Variants in ANK2 observed in about 807,000 individuals in gnomAD.
ANK2 encodes ankyrin-2.
A neutral mutation model predicts 360.5 loss-of-function variants in ANK2; 83 were observed. That is an observed-to-expected ratio of 0.23 (90% CI 0.19 to 0.28). ANK2 has a LOEUF of 0.28. Among genes scored for constraint, ANK2 ranks in the 10% least tolerant of loss-of-function variants. The probability of loss-of-function intolerance (pLI) is 1.00; values close to 1 mark genes in which losing one functional copy is unlikely to be tolerated. For synonymous variants in ANK2, 1,740 were observed against 1,759.5 expected, an observed-to-expected ratio of 0.99 and a Z score of 0.28; for missense variants, 4,201 against 4,795.7, an observed-to-expected ratio of 0.88 and a Z score of 3.66.
chr4:113,243,648 G>A lies in ANK2; in HGVS notation c.891+1439G>A, dbSNP rs75270049. ...CATGCCTTTTTCCTTACCATACTGT[G>A]AGTATACAGAATTTGGAACAGTATG... is the stretch of plus-strand genomic sequence containing the variant. On this transcript the variant is annotated intron_variant, in intron 9 of 45. Coordinates refer to ENST00000357077, the MANE Select transcript of ANK2 (RefSeq NM_001148.6). Among the ~76,000 whole-genome samples the A allele has an allele frequency of 3.6e-4, 55 of 152,214 alleles. No homozygotes were observed. The East Asian group carries it at 6.4e-3, about 18-fold the overall frequency.
At position 113,356,368 on chromosome 4, in the gene ANK2, C is replaced by A; in HGVS notation, c.7750C>A (p.Pro2584Thr). The A allele has an allele frequency of 3.7e-6, 6 of 1,614,056 alleles. No individual in the cohort carries two copies. The highest frequency in any genetic ancestry group is 5.1e-6 in the Non-Finnish European group (6 of 1,179,998). ...AAACGGGGAGAAAAAGAGGTTCACA[C>A]CTGAAGAGGAGATGTTTAAAATGGT... ...SENGEKKRFT[P>T]EEEMFKMVTK... The change falls in exon 38 of 46, where the codon CCT (proline) becomes ACT (threonine). Residue 2584 changes from proline (P) to threonine (T), a missense_variant. Physicochemically the swap from Pro to Thr is conservative, Grantham distance 38. Transcript: ENST00000357077.
chr4:113,196,286 T>C (rs1245497022), intron 2 of ANK2, 82 bp from the exon 3 acceptor site: 1 of 1,042,666 alleles, frequency 9.6e-7, no homozygotes, highest in African/African-American at 1.6e-5. Flanking sequence ...GTCTGTTCTC[T>C]GGGTTATATG....
chr4:113,335,189 A>G (rs1020454812), intron 29 of ANK2, among the ~76,000 whole-genome samples: 1 of 152,172 alleles, frequency 6.6e-6, no homozygotes, highest in Non-Finnish European at 1.5e-5. Flanking sequence ...CCATGATCCC[A>G]TCCTCTTGAT....
At chr4:113,129,546 T>G (rs1257226977) in intron 1 of ANK2, among the ~76,000 whole-genome samples, 1 of 152,018 alleles carries the variant, frequency 6.6e-6, no homozygotes, top group East Asian at 1.9e-4. Context: ...TGTTTGTTTG[T>G]TTTAAACGTA....
chr4:113,004,242 T>G (rs1233420323), intron 2 of ANK2, among the ~76,000 whole-genome samples: 1 of 152,208 alleles, frequency 6.6e-6, no homozygotes, highest in African/African-American at 2.4e-5. Flanking sequence ...AACATTTTGT[T>G]TTTTTAAACT....
intron 1 of ANK2, among the ~76,000 whole-genome samples, chr4:112,850,577 C>G (rs1261194094): frequency 2.5e-5 from 3 of 118,496 alleles, no homozygotes; most frequent in Non-Finnish European, 4.8e-5. Context: ...AGTGCAGTGG[C>G]ACGATCTTGG....
intron 6 of ANK2, among the ~76,000 whole-genome samples, 187 bp from the exon 7 acceptor site, chr4:113,237,412 A>G (rs1215077358): frequency 6.6e-6 from 1 of 152,226 alleles, no homozygotes; most frequent in Admixed American, 6.5e-5. Flanking sequence ...TATTCTGTTT[A>G]TAGTCACAAA....
At chr4:113,177,030 T>C (rs914638624) in intron 2 of ANK2, among the ~76,000 whole-genome samples, 5 of 152,180 alleles carry the variant, frequency 3.3e-5, no homozygotes, top group Non-Finnish European at 7.4e-5. Flanking sequence ...CAGTCTATCA[T>C]TGATGGACAT....
chr4:112,912,370 A>G (rs1016142899), intron 2 of ANK2, among the ~76,000 whole-genome samples: 1 of 152,182 alleles, frequency 6.6e-6, no homozygotes, highest in South Asian at 2.1e-4. Flanking sequence ...ATACCCTGAT[A>G]AAACATATTA....
intron 4 of ANK2, 89 bp from the exon 5 acceptor site, chr4:113,232,072 A>G: frequency 1.1e-6 from 1 of 896,326 alleles, no homozygotes; most frequent in East Asian, 2.5e-5. Context: ...AAAGTATTTT[A>G]CCTATCTTCC....
At chr4:113,158,040 A>G (rs1279480540) in intron 1 of ANK2, among the ~76,000 whole-genome samples, 1 of 152,260 alleles carries the variant, frequency 6.6e-6, no homozygotes, top group Non-Finnish European at 1.5e-5. Flanking sequence ...GTCTAGTTGA[A>G]TAGCCAGAGG....
At chr4:113,167,029 T>C (rs2097774190) in intron 1 of ANK2, among the ~76,000 whole-genome samples, 1 of 152,220 alleles carries the variant, frequency 6.6e-6, no homozygotes, top group African/African-American at 2.4e-5. Flanking sequence ...ATGTATTTAG[T>C]AATCTGCATT....
chr4:112,766,006 A>G, the ANK2 span, among the ~76,000 whole-genome samples: 1 of 152,156 alleles, frequency 6.6e-6, no homozygotes, highest in Admixed American at 6.6e-5. Flanking sequence ...TGACTGACAC[A>G]ATGTGATACA....
chr4:113,090,862 A>G (rs1197637556), intron 1 of ANK2, among the ~76,000 whole-genome samples: 1 of 152,146 alleles, frequency 6.6e-6, no homozygotes, highest in Non-Finnish European at 1.5e-5. Context: ...TTCACTTTCC[A>G]TACTTTTATA....
chr4:113,192,621 T>G (rs2153368741), intron 2 of ANK2, among the ~76,000 whole-genome samples: 1 of 152,306 alleles, frequency 6.6e-6, no homozygotes, highest in Non-Finnish European at 1.5e-5. Flanking sequence ...CTCTTATAAG[T>G]GGTAGTGATC....
chr4:112,955,204 TTTTTATC>T (rs574325995), intron 2 of ANK2, among the ~76,000 whole-genome samples: 124 of 152,098 alleles, frequency 8.2e-4, no homozygotes, highest in African/African-American at 2.8e-3. Context: ...ATCTACATAC[TTTTTATC>T]TTTTTTAATT....
chr4:112,718,954 C>T, the ANK2 span, among the ~76,000 whole-genome samples: 13 of 150,838 alleles, frequency 8.6e-5, no homozygotes, highest in Non-Finnish European at 1.5e-4. Context: ...CCACCGCTCC[C>T]GGTCAGCAGT....
intron 2 of ANK2, among the ~76,000 whole-genome samples, chr4:113,028,457 C>T (rs1345586922): frequency 5.3e-5 from 8 of 152,140 alleles, no homozygotes; most frequent in Admixed American, 3.9e-4. Flanking sequence ...CTAGGCACTA[C>T]GCAAAGGTGA....
the ANK2 span, among the ~76,000 whole-genome samples, chr4:112,793,732 G>T: frequency 6.7e-6 from 1 of 148,288 alleles, no homozygotes; most frequent in Non-Finnish European, 1.5e-5. Context: ...TTGAGACAGG[G>T]TCTTACTCTG....
Sources: allele counts gnomAD v4.1 joint callset (sites outside exome capture counted in the v4.1 genomes callset), GRCh38; gene constraint gnomAD v4.1.1; transcripts MANE v1.5; gene names NCBI Gene and HGNC (gene_info 2026-07-23, HGNC 2026-07-21).